The following EEFSEC variants were observed in gnomAD, a reference collection of about 807,000 sequenced individuals.
EEFSEC encodes selenocysteine-specific elongation factor.
Under a neutral mutation model 42.1 loss-of-function variants are expected in EEFSEC, and 43 were observed. The ratio of observed to expected loss-of-function variants is 1.02; its 90% CI spans 0.80 to 1.32. The LOEUF (loss-of-function observed/expected upper bound fraction) is 1.32. Among genes scored for constraint, EEFSEC ranks in the 40% most tolerant of loss-of-function variants. EEFSEC has a pLI of 0.00. For synonymous variants in EEFSEC, 354 were observed against 339.1 expected, an observed-to-expected ratio of 1.04 and a Z score of -0.48; for missense variants, 745 against 803.6, an observed-to-expected ratio of 0.93 and a Z score of 0.88.
In EEFSEC at chr3:128,153,626, C is replaced by A. The variant is rs76829052; in HGVS notation, c.119C>A (p.Pro40Gln). Residue 40 changes from proline to glutamine, a missense_variant, in exon 1 of 7, where the codon CCG becomes CAG. Physicochemically the swap from Pro to Gln is moderately conservative, Grantham distance 76. Transcript: ENST00000254730. ...TCCACCGCCGCCTTTGACAAGCAGC[C>A]GCAGAGCCGCGAGCGCGGCATCACG... The part of the protein sequence containing the change: ...TASTAAFDKQ[P>Q]QSRERGITLD... The A allele has an allele frequency of 2.0e-3, 3,210 of 1,597,356 alleles. 3 individuals carry two copies. Among genetic ancestry groups the A allele is most frequent in the Non-Finnish European group, 2.5e-3 (2,933 of 1,177,580 alleles).
chr3:128,318,867 G>A (rs922126302), intron 4 of EEFSEC, among the ~76,000 whole-genome samples: 5 of 152,354 alleles, frequency 3.3e-5, no homozygotes, highest in South Asian at 2.1e-4. Flanking sequence ...AGGCACCTGC[G>A]TGTACAGCAG....
chr3:128,411,727 G>A (rs924062631), downstream of EEFSEC, among the ~76,000 whole-genome samples: 1 of 152,210 alleles, frequency 6.6e-6, no homozygotes, highest in African/African-American at 2.4e-5. Context: ...AAATGTCCCT[G>A]GAATCGAGAC....
chr3:128,362,176 G>A (rs369415449), intron 6 of EEFSEC: 11 of 516,046 alleles, frequency 2.1e-5, no homozygotes, highest in East Asian at 5.7e-5. Context: ...CTGTCCCACC[G>A]CTGCCACCCT....
At chr3:128,415,965 A>G in the EEFSEC span, among the ~76,000 whole-genome samples, 1 of 152,154 alleles carries the variant, frequency 6.6e-6, no homozygotes, top group Non-Finnish European at 1.5e-5. Context: ...TGTGGGAAGG[A>G]CTAGCCCAAG....
chr3:128,262,619 G>C (rs1045102454), intron 3 of EEFSEC, among the ~76,000 whole-genome samples: 1 of 152,198 alleles, frequency 6.6e-6, no homozygotes, highest in Non-Finnish European at 1.5e-5. Context: ...TACCCCACCT[G>C]GGCTGGGGGC....
At chr3:128,241,399 A>T (rs564193274) in intron 1 of EEFSEC, among the ~76,000 whole-genome samples, 1 of 152,124 alleles carries the variant, frequency 6.6e-6, no homozygotes, top group Admixed American at 6.6e-5. Context: ...GTATAGAGAC[A>T]GGGTTTCACC....
intron 1 of EEFSEC, among the ~76,000 whole-genome samples, chr3:128,208,204 C>G (rs1009164834): frequency 6.6e-6 from 1 of 152,214 alleles, no homozygotes; most frequent in Non-Finnish European, 1.5e-5. Flanking sequence ...GTCTCTGCCT[C>G]TAAGTGGCGG....
rs527752590 is a variant in EEFSEC, at chr3:128,403,789, TTCCTCC to T, written c.1601-4261_1601-4256del. ...CCGTCATCTGGCCTTGGGTCCAGCA[TTCCTCC>T]TCCTCCTCCTCCTCCTCCCTTGGAG... On this transcript the variant is annotated intron_variant, in intron 6 of 6. Coordinates refer to ENST00000254730, the MANE Select transcript of EEFSEC (RefSeq NM_021937.5). Among the ~76,000 whole-genome samples, 17 of 152,016 alleles carry T rather than the reference TTCCTCC, an allele frequency of 1.1e-4. No homozygotes were observed. In the South Asian group the frequency reaches 1.2e-3, roughly 11 times the overall value.
At chr3:128,163,479 C>T (rs1559849410) in intron 1 of EEFSEC, among the ~76,000 whole-genome samples, 1 of 152,010 alleles carries the variant, frequency 6.6e-6, no homozygotes, top group Non-Finnish European at 1.5e-5. Context: ...ATTTTAAAAA[C>T]ATTTTTAATT....
At chr3:128,361,651 G>T (rs1049568644) in intron 6 of EEFSEC, among the ~76,000 whole-genome samples, 2 of 152,234 alleles carry the variant, frequency 1.3e-5, no homozygotes, top group African/African-American at 4.8e-5. Flanking sequence ...AAATCAGAGG[G>T]CTGGGGGACG....
intron 6 of EEFSEC, among the ~76,000 whole-genome samples, chr3:128,360,191 T>A (rs2067507067): frequency 6.6e-6 from 1 of 152,184 alleles, no homozygotes; most frequent in South Asian, 2.1e-4. Context: ...AGTCCTCACC[T>A]CAGCCAAACA....
At chr3:128,201,381 T>C (rs1258674524) in intron 1 of EEFSEC, among the ~76,000 whole-genome samples, 1 of 149,994 alleles carries the variant, frequency 6.7e-6, no homozygotes, top group Admixed American at 6.6e-5. Flanking sequence ...TGGGTGTGCT[T>C]AAGAAAAAAA....
At chr3:128,289,995 G>A (rs1411769184) in intron 4 of EEFSEC, among the ~76,000 whole-genome samples, 3 of 152,186 alleles carry the variant, frequency 2.0e-5, no homozygotes, top group Non-Finnish European at 4.4e-5. Flanking sequence ...TCCTTTGTCA[G>A]ATAACACATA....
intron 5 of EEFSEC, among the ~76,000 whole-genome samples, chr3:128,347,577 T>C (rs2107573906): frequency 6.6e-6 from 1 of 151,744 alleles, no homozygotes; most frequent in East Asian, 1.9e-4. Context: ...CCAACAAAAA[T>C]AAGGAAAAAA....
intron 4 of EEFSEC, among the ~76,000 whole-genome samples, chr3:128,332,201 T>TAC (rs1341148535): frequency 8.5e-5 from 13 of 152,152 alleles, no homozygotes; most frequent in Non-Finnish European, 1.3e-4. Context: ...TATATGTATA[T>TAC]ACACACACAC....
intron 1 of EEFSEC, among the ~76,000 whole-genome samples, chr3:128,175,102 CT>C (rs943743447): frequency 3.3e-5 from 5 of 151,942 alleles, no homozygotes; most frequent in African/African-American, 4.8e-5. Flanking sequence ...TCTCCTCCCC[CT>C]CTGCTCTACT....
chr3:128,393,358 C>T (rs949145394), intron 6 of EEFSEC, among the ~76,000 whole-genome samples: 4 of 152,214 alleles, frequency 2.6e-5, no homozygotes, highest in African/African-American at 2.4e-5. Context: ...TTGGTACACA[C>T]GCTGGTGTGT....
At chr3:128,282,482 G>T (rs913477920) in intron 4 of EEFSEC, among the ~76,000 whole-genome samples, 3 of 152,226 alleles carry the variant, frequency 2.0e-5, no homozygotes, top group African/African-American at 7.2e-5. Flanking sequence ...AGGTAGAATT[G>T]TTCCAGCGCA....
chr3:128,210,553 T>C (rs534302002), intron 1 of EEFSEC, among the ~76,000 whole-genome samples: 1 of 152,316 alleles, frequency 6.6e-6, no homozygotes, highest in South Asian at 2.1e-4. Context: ...ATTGGGAAGG[T>C]TACTAGTGGT....
Sources: gnomAD v4.1 joint callset for allele counts (sites outside exome capture counted in the v4.1 genomes callset) on GRCh38, gnomAD v4.1.1 for gene constraint, MANE v1.5 for transcripts, NCBI Gene and HGNC (gene_info 2026-07-23, HGNC 2026-07-21) for gene names.